Variants in USP15 observed in about 807,000 individuals in gnomAD.
USP15 encodes the protein ubiquitin specific peptidase 15, also known as ubiquitin carboxyl-terminal hydrolase 15.
A neutral mutation model predicts 127.1 loss-of-function variants in USP15; 18 were observed. The ratio of observed to expected loss-of-function variants is 0.14; its 90% CI spans 0.10 to 0.21. The LOEUF is 0.21. USP15 is among the 10% of genes least tolerant of loss of function. The pLI is 1.00. For synonymous variants in USP15, 364 were observed against 393.7 expected (o/e 0.92, Z 0.89); for missense variants, 805 against 1,159.9 (o/e 0.69, Z 4.44).
intron 8 of USP15, among the ~76,000 whole-genome samples, chr12:62,365,431 C>T (rs2066445484): frequency 6.6e-6 from 1 of 151,862 alleles, no homozygotes; most frequent in Non-Finnish European, 1.5e-5. Flanking sequence ...TGTTTAAGTT[C>T]TTTGTAGATT....
chr12:62,395,459 T>C (rs1007356852), intron 19 of USP15, among the ~76,000 whole-genome samples: 4 of 152,170 alleles, frequency 2.6e-5, no homozygotes, highest in African/African-American at 9.7e-5. Context: ...TTATGGAGAA[T>C]GGGGTATCCA....
intron 9 of USP15, among the ~76,000 whole-genome samples, chr12:62,382,719 A>G (rs745415405): frequency 6.6e-6 from 1 of 151,968 alleles, no homozygotes; most frequent in African/African-American, 2.4e-5. Flanking sequence ...AGATTAGGAA[A>G]ATTGAATATG....
chr12:62,261,669 A>C (rs1039353298), intron 1 of USP15, among the ~76,000 whole-genome samples: 2 of 152,176 alleles, frequency 1.3e-5, no homozygotes, highest in African/African-American at 4.8e-5. Context: ...ATTCGTTTTA[A>C]TATCTTAAGA....
intron 1 of USP15, among the ~76,000 whole-genome samples, chr12:62,266,425 T>C (rs1180573178): frequency 2.0e-5 from 3 of 152,224 alleles, no homozygotes; most frequent in Admixed American, 6.5e-5. Flanking sequence ...CAACTGATTT[T>C]TTCCCTAGAG....
At chr12:62,398,790 A>G (rs919626325) in intron 20 of USP15, among the ~76,000 whole-genome samples, 1 of 152,222 alleles carries the variant, frequency 6.6e-6, no homozygotes, top group South Asian at 2.1e-4. Flanking sequence ...AAGCTTATCA[A>G]GTGTATTCAA....
intron 21 of USP15, among the ~76,000 whole-genome samples, chr12:62,403,641 T>C (rs558933980): frequency 6.6e-6 from 1 of 151,936 alleles, no homozygotes; most frequent in Non-Finnish European, 1.5e-5. Context: ...GAGAGGTATA[T>C]GGCAGCTAGA....
intron 4 of USP15, among the ~76,000 whole-genome samples, chr12:62,319,744 A>G (rs948053575): frequency 1.3e-5 from 2 of 152,248 alleles, no homozygotes; most frequent in African/African-American, 2.4e-5. Context: ...TGTTATGTAC[A>G]CAGATGCCTG....
In USP15 at chr12:62,267,553, C is replaced by CT. The variant is rs142217075; in HGVS notation, c.89+7057dup. On this transcript the variant is annotated intron_variant, in intron 1 of 21. Transcript: ENST00000280377. ...TCCAAAAAGAAAAGAGTAATGATGC[C>CT]TTTTTTTCCTCCAAGGAATGGAGAA... Among the ~76,000 whole-genome samples, 900 of 152,106 alleles carry CT rather than the reference C, an allele frequency of 5.9e-3. 8 individuals carry two copies. The highest frequency in any genetic ancestry group is 0.02 in the African/African-American group (848 of 41,518).
At chr12:62,272,626 T>C (rs1203174622) in intron 1 of USP15, among the ~76,000 whole-genome samples, 2 of 152,076 alleles carry the variant, frequency 1.3e-5, no homozygotes, top group African/African-American at 4.8e-5. Context: ...CAAACAACTT[T>C]TGATATTCTC....
At chr12:62,351,318 C>T (rs1364561650) in intron 7 of USP15, among the ~76,000 whole-genome samples, 5 of 151,046 alleles carry the variant, frequency 3.3e-5, no homozygotes, top group Middle Eastern at 3.4e-3. Flanking sequence ...AATAACCCCT[C>T]GTAATTTGGT....
chr12:62,400,205 TTAAAGA>T (rs757379451), intron 20 of USP15, among the ~76,000 whole-genome samples: 12 of 152,190 alleles, frequency 7.9e-5, no homozygotes, highest in South Asian at 2.1e-4. Flanking sequence ...TTTTTTTAAC[TTAAAGA>T]TAAAGCAGAT....
chr12:62,384,299 G>A lies in USP15; in HGVS notation c.1470G>A (p.Met490Ile). 6.3e-7 allele frequency: 1 copy of A among 1,589,518 alleles called. No individual in the cohort carries two copies. Among genetic ancestry groups the A allele is most frequent in the Non-Finnish European group, 8.6e-7 (1 of 1,169,200 alleles). The change falls in exon 11 of 22, where the codon ATG (methionine) becomes ATA (isoleucine). Residue 490 changes from methionine to isoleucine, a missense_variant. Transcript: ENST00000280377. ...LVRMDPLTKPMQYKVVVPKIG... is the reference protein window; with the variant it reads ...LVRMDPLTKPIQYKVVVPKIG... The stretch of plus-strand genomic sequence containing the variant: ...GAATGGATCCACTTACCAAACCTAT[G>A]CAGGTAAATCATGGGTTGGTTTGTT...
chr12:62,337,330 A>G (rs184127045), intron 6 of USP15, among the ~76,000 whole-genome samples: 4 of 152,236 alleles, frequency 2.6e-5, no homozygotes, highest in Admixed American at 2.6e-4. Context: ...TTTACAAAAG[A>G]AAGAGGTTTA....
rs1317359371 is a variant in USP15 at position 62,307,965 on chromosome 12, G to C, written c.348+5045G>C. Reference sequence around the variant, plus strand: ...CACATAACCTTTATTATAGTATATTGTTCTAATTGTTCTATTTTATTATTA... The same window carrying C: ...CACATAACCTTTATTATAGTATATTCTTCTAATTGTTCTATTTTATTATTA... On this transcript the variant is annotated intron_variant, in intron 3 of 21. Coordinates refer to ENST00000280377, the MANE Select transcript of USP15 (RefSeq NM_001252078.2). 2.6e-5 allele frequency among the ~76,000 whole-genome samples: 4 copies of C among 151,948 alleles called. No homozygotes were observed. In the South Asian group the frequency reaches 8.3e-4, roughly 31 times the overall value.
At chr12:62,321,087 A>T (rs2064973627) in intron 4 of USP15, among the ~76,000 whole-genome samples, 1 of 152,252 alleles carries the variant, frequency 6.6e-6, no homozygotes, top group Admixed American at 6.5e-5. Flanking sequence ...CACACTAAAA[A>T]AAATCTGTAA....
At chr12:62,375,532 C>T (rs148469692) in intron 8 of USP15, among the ~76,000 whole-genome samples, 3 of 152,052 alleles carry the variant, frequency 2.0e-5, no homozygotes, top group Non-Finnish European at 4.4e-5. Context: ...CTCTCAAGTG[C>T]GGTGTAACGG....
At chr12:62,262,828 A>G (rs562933958) in intron 1 of USP15, among the ~76,000 whole-genome samples, 7 of 152,182 alleles carry the variant, frequency 4.6e-5, no homozygotes, top group African/African-American at 1.7e-4. Flanking sequence ...AAGTCATTTC[A>G]GTGCTTTTAT....
At chr12:62,354,622 TAC>T (rs761284993) in intron 7 of USP15, among the ~76,000 whole-genome samples, 45 of 152,100 alleles carry the variant, frequency 3.0e-4, no homozygotes, top group South Asian at 1.7e-3. Context: ...TTTAGAATAT[TAC>T]AGTTTTTTAA....
At chr12:62,274,717 G>A (rs1168448301) in intron 1 of USP15, among the ~76,000 whole-genome samples, 1 of 152,060 alleles carries the variant, frequency 6.6e-6, no homozygotes, top group Non-Finnish European at 1.5e-5. Flanking sequence ...AGGGAAGGGA[G>A]GGAAGAAAAA....
Sources: allele counts gnomAD v4.1 joint callset (sites outside exome capture counted in the v4.1 genomes callset), GRCh38; gene constraint gnomAD v4.1.1; transcripts MANE v1.5; gene names NCBI Gene and HGNC (gene_info 2026-07-23, HGNC 2026-07-21).